The following IL1RAPL2 variants were observed in gnomAD, a reference collection of about 807,000 sequenced individuals.
IL1RAPL2 encodes X-linked interleukin-1 receptor accessory protein-like 2.
Under a neutral mutation model 44.1 loss-of-function variants are expected in IL1RAPL2, and 3 were observed. The ratio of observed to expected loss-of-function variants is 0.07; its 90% CI spans 0.03 to 0.18. The LOEUF (loss-of-function observed/expected upper bound fraction) is 0.18. IL1RAPL2 is among the 10% of genes least tolerant of loss of function. IL1RAPL2 has a pLI of 1.00. For synonymous variants in IL1RAPL2, 181 were observed against 178.8 expected (o/e 1.01, Z -0.10); for missense variants, 391 against 496.4 (o/e 0.79, Z 2.02).
At chrX:104,693,106 A>C (rs977649009) in intron 2 of IL1RAPL2, among the ~76,000 whole-genome samples, 7 of 112,337 alleles carry the variant, frequency 6.2e-5, no homozygotes, top group African/African-American at 2.3e-4. Context: ...CCATGAAAGA[A>C]AAATGTAGGG....
intron 1 of IL1RAPL2, among the ~76,000 whole-genome samples, chrX:104,655,711 C>T (rs1930242494): frequency 8.9e-6 from 1 of 111,841 alleles, no homozygotes; most frequent in Non-Finnish European, 1.9e-5. Context: ...AGGATTCCCT[C>T]TTTTTCTATT....
intron 5 of IL1RAPL2, among the ~76,000 whole-genome samples, chrX:105,339,432 A>G (rs1170322606): frequency 8.9e-6 from 1 of 112,069 alleles, no homozygotes; most frequent in African/African-American, 3.2e-5. Context: ...TATATGGAGC[A>G]TTTGGAAAGA....
intron 2 of IL1RAPL2, among the ~76,000 whole-genome samples, chrX:104,992,332 G>T (rs766856322): frequency 5.4e-5 from 6 of 110,904 alleles, no homozygotes; most frequent in Non-Finnish European, 1.1e-4. Context: ...TACACAGAGG[G>T]GTATACCTAA....
chrX:105,494,046 A>G (rs2036339638), intron 6 of IL1RAPL2, among the ~76,000 whole-genome samples: 1 of 112,070 alleles, frequency 8.9e-6, no homozygotes, highest in Admixed American at 9.5e-5. Context: ...AACAGAGATC[A>G]AGAAACTAAT....
At chrX:104,720,825 G>A (rs1230753791) in intron 2 of IL1RAPL2, among the ~76,000 whole-genome samples, 1 of 111,284 alleles carries the variant, frequency 9.0e-6, no homozygotes, top group Non-Finnish European at 1.9e-5. Context: ...TTAAAACACT[G>A]TCAGTCCAAC....
Position 105,151,033 on chromosome X carries a change from A to G in IL1RAPL2, c.83-44442A>G, listed in dbSNP as rs1216428323. Among the ~76,000 whole-genome samples, 4 of 112,088 alleles carry G rather than the reference A, an allele frequency of 3.6e-5. No individual in the cohort carries two copies. The Admixed American group carries it at 3.8e-4, about 11-fold the overall frequency. On this transcript the variant is annotated intron_variant, in intron 2 of 10. Coordinates refer to ENST00000372582, the MANE Select transcript of IL1RAPL2 (RefSeq NM_017416.2). ...GCTATATATTTTCAAGTTGTTAGGA[A>G]ATATTTCTAAATTGTGTCTACTTCC...
At chrX:104,942,358 T>G (rs1173193129) in intron 2 of IL1RAPL2, among the ~76,000 whole-genome samples, 2 of 112,038 alleles carry the variant, frequency 1.8e-5, no homozygotes, top group Non-Finnish European at 3.8e-5. Flanking sequence ...CATTTGTTTG[T>G]GTCCTCTTTT....
chrX:104,678,108 C>G (rs1240171115), intron 2 of IL1RAPL2, among the ~76,000 whole-genome samples: 1 of 112,670 alleles, frequency 8.9e-6, no homozygotes, highest in Non-Finnish European at 1.9e-5. Context: ...ATTCGGCCAT[C>G]TTGGCTCCTC....
intron 5 of IL1RAPL2, among the ~76,000 whole-genome samples, chrX:105,371,235 G>T (rs1437281849): frequency 1.8e-5 from 2 of 111,870 alleles, no homozygotes; most frequent in Non-Finnish European, 3.8e-5. Context: ...CTTTAGTTTA[G>T]TTAAGTCCCA....
intron 2 of IL1RAPL2, among the ~76,000 whole-genome samples, chrX:104,813,635 A>G (rs1055924627): frequency 9.0e-6 from 1 of 111,325 alleles, no homozygotes; most frequent in Non-Finnish European, 1.9e-5. Flanking sequence ...GCCACCAACA[A>G]TGTGGTCACT....
At chrX:104,906,213 A>T (rs1313481617) in intron 2 of IL1RAPL2, among the ~76,000 whole-genome samples, 1 of 111,416 alleles carries the variant, frequency 9.0e-6, no homozygotes, top group Non-Finnish European at 1.9e-5. Flanking sequence ...GGCTGAGACA[A>T]TGGGGTTTTG....
chrX:104,618,853 G>A (rs1929330665), intron 1 of IL1RAPL2, among the ~76,000 whole-genome samples: 1 of 111,563 alleles, frequency 9.0e-6, no homozygotes. Flanking sequence ...AGGAAGCTCA[G>A]GCTGTTGGTC....
intron 2 of IL1RAPL2, among the ~76,000 whole-genome samples, chrX:104,810,493 A>G (rs1205543354): frequency 9.0e-6 from 1 of 111,672 alleles, no homozygotes; most frequent in Non-Finnish European, 1.9e-5. Context: ...GCAAAATTTA[A>G]GTGTATAATC....
intron 5 of IL1RAPL2, among the ~76,000 whole-genome samples, chrX:105,468,170 C>T (rs184268857): frequency 3.6e-5 from 4 of 111,977 alleles, no homozygotes; most frequent in Admixed American, 2.8e-4. Flanking sequence ...TCATCTTTAG[C>T]ATATATCTTC....
chrX:104,598,930 C>T (rs1182423268), intron 1 of IL1RAPL2, among the ~76,000 whole-genome samples: 1 of 112,171 alleles, frequency 8.9e-6, no homozygotes, highest in Non-Finnish European at 1.9e-5. Context: ...ATGTGAAAGA[C>T]ATTTAACAAA....
intron 4 of IL1RAPL2, among the ~76,000 whole-genome samples, chrX:105,250,818 G>A (rs1209110727): frequency 1.8e-5 from 2 of 110,919 alleles, no homozygotes; most frequent in African/African-American, 6.5e-5. Context: ...TATTCTATGA[G>A]TTGCTATCAT....
At chrX:105,358,819 A>G (rs772824661) in intron 5 of IL1RAPL2, among the ~76,000 whole-genome samples, 10 of 112,078 alleles carry the variant, frequency 8.9e-5, no homozygotes, top group African/African-American at 3.2e-4. Flanking sequence ...TCGCATTCTA[A>G]GGGAGTAAAT....
intron 7 of IL1RAPL2, among the ~76,000 whole-genome samples, chrX:105,727,240 C>T (rs911332510): frequency 1.8e-5 from 2 of 111,124 alleles, no homozygotes; most frequent in African/African-American, 6.5e-5. Context: ...ATTAAGAAAC[C>T]AACAGGACTT....
intron 2 of IL1RAPL2, among the ~76,000 whole-genome samples, chrX:104,766,886 C>T (rs770658806): frequency 1.2e-4 from 14 of 112,307 alleles, no homozygotes; most frequent in African/African-American, 4.5e-4. Flanking sequence ...AACAGTCTCT[C>T]AGATGGCATT....
Sources: allele counts gnomAD v4.1 joint callset (sites outside exome capture counted in the v4.1 genomes callset), GRCh38; gene constraint gnomAD v4.1.1; transcripts MANE v1.5; gene names NCBI Gene and HGNC (gene_info 2026-07-23, HGNC 2026-07-21).